KIAA1958: variants seen among roughly 807,000 people sequenced by gnomAD.
KIAA1958 encodes uncharacterized protein KIAA1958.
In KIAA1958, 14 loss-of-function variants were observed where a neutral mutation model predicts 47.2. The ratio of observed to expected loss-of-function variants is 0.30; its 90% CI spans 0.20 to 0.46. The LOEUF (loss-of-function observed/expected upper bound fraction) is 0.46. Ranked by LOEUF, KIAA1958 falls within the 20% of genes least tolerant of loss-of-function variation. KIAA1958 has a pLI of 1.00. For missense variants in KIAA1958, 803 were observed against 909.2 expected (o/e 0.88, Z 1.50); for synonymous variants, 354 against 353.3 (o/e 1.00, Z -0.02).
Position 112,669,104 on chromosome 9 carries a change from C to T in KIAA1958, c.*9035C>T, listed in dbSNP as rs1041246136. The T allele has an allele frequency of 6.6e-6, 1 of 152,208 alleles. No homozygotes were observed. The highest frequency in any genetic ancestry group is 1.5e-5 in the Non-Finnish European group (1 of 68,040). The allele number at this position is 152,208 out of a possible 1,614,324, so 9.4% of individuals were successfully genotyped here. A position where few individuals can be genotyped will look rare whatever the true frequency, so the allele number is the denominator to read the frequency against. ...GTTATTGTACCGTCTCCAGCTTTTT[C>T]CTTCTTCCCCCAGATGGTCGCACCT... On this transcript the variant is annotated 3_prime_UTR_variant, in exon 4 of 4. Coordinates refer to ENST00000337530, the MANE Select transcript of KIAA1958 (RefSeq NM_133465.4).
chr9:112,637,914 C>T (rs1450254911), intron 2 of KIAA1958, among the ~76,000 whole-genome samples: 1 of 151,870 alleles, frequency 6.6e-6, no homozygotes, highest in Admixed American at 6.6e-5. Flanking sequence ...TTTGGGAGGC[C>T]GAGGAGGGTG....
chr9:112,498,920 A>T (rs1416699992), intron 1 of KIAA1958, among the ~76,000 whole-genome samples: 1 of 152,152 alleles, frequency 6.6e-6, no homozygotes, highest in Non-Finnish European at 1.5e-5. Context: ...CCAGCCTCTA[A>T]CACACACAGT....
intron 1 of KIAA1958, among the ~76,000 whole-genome samples, chr9:112,533,343 G>C (rs1729200111): frequency 6.6e-6 from 1 of 151,668 alleles, no homozygotes; most frequent in Non-Finnish European, 1.5e-5. Flanking sequence ...TTGGAAGGCC[G>C]AGGCAGGTGG....
At chr9:112,531,168 C>T (rs1343067329) in intron 1 of KIAA1958, among the ~76,000 whole-genome samples, 1 of 152,224 alleles carries the variant, frequency 6.6e-6, no homozygotes, top group Admixed American at 6.5e-5. Context: ...GCAGGCGTAT[C>T]ACCTGAGGTT....
rs780837293 is a variant in KIAA1958, at chr9:112,659,686, C to A, written c.1768C>A (p.Gln590Lys). The A allele has an allele frequency of 7.6e-5, 123 of 1,614,054 alleles. No individual in the cohort carries two copies. Among genetic ancestry groups the A allele is most frequent in the Non-Finnish European group, 9.1e-5 (107 of 1,180,038 alleles). The stretch of plus-strand genomic sequence containing the variant: ...TGACATCGAGCTGCTCAAAGACCCC[C>A]AAAACCAGCCCTACTTTGCCCGGAC... ...YGDIELLKDP[Q>K]NQPYFARTDS... The change falls in exon 4 of 4, where the codon CAA becomes AAA. Residue 590 changes from glutamine to lysine, a missense_variant. Physicochemically the swap from Gln to Lys is moderately conservative, Grantham distance 53. Around this residue, in one of 2 missense-constraint regions of KIAA1958, gnomAD observed 761 missense variants for 829.3 expected, o/e 0.92. Transcript: ENST00000337530.
chr9:112,543,119 G>T (rs189676221), intron 1 of KIAA1958, among the ~76,000 whole-genome samples: 2 of 152,256 alleles, frequency 1.3e-5, no homozygotes, highest in East Asian at 3.9e-4. Flanking sequence ...TTCATGACCT[G>T]GATCTATCTT....
At position 112,618,432 on chromosome 9, in the gene KIAA1958, G is replaced by A. The variant is rs1332426821; in HGVS notation, c.1172-27218G>A. On this transcript the variant is annotated intron_variant, in intron 2 of 3. Coordinates refer to ENST00000337530, the MANE Select transcript of KIAA1958 (RefSeq NM_133465.4). This position sits in a 1 kb window ranked among gnomAD's most constrained non-coding sequence, Gnocchi z 7.1. ...ATCCGGCTCCGGGTAACAGAGACGG[G>A]TCTCGAGTACTTGGAGTGGATGGGT... is the stretch of plus-strand genomic sequence containing the variant. 6.4e-7 allele frequency: 1 copy of A among 1,551,094 alleles called. No individual in the cohort carries two copies. The highest frequency in any genetic ancestry group is 8.7e-7 in the Non-Finnish European group (1 of 1,147,152).
At chr9:112,606,704 A>G (rs530877340) in intron 2 of KIAA1958, among the ~76,000 whole-genome samples, 3 of 152,350 alleles carry the variant, frequency 2.0e-5, no homozygotes, top group African/African-American at 4.8e-5. Flanking sequence ...GAAAATTTCA[A>G]TGAAGTTTGT....
chr9:112,585,359 G>T (rs879878410), intron 2 of KIAA1958, among the ~76,000 whole-genome samples: 5 of 152,234 alleles, frequency 3.3e-5, no homozygotes, highest in Non-Finnish European at 5.9e-5. Flanking sequence ...ACACATGGAA[G>T]TATATTTCAG....
At chr9:112,565,817 C>T (rs1835418767) in intron 1 of KIAA1958, among the ~76,000 whole-genome samples, 2 of 152,168 alleles carry the variant, frequency 1.3e-5, no homozygotes, top group Non-Finnish European at 2.9e-5. Context: ...TTTTATGGTA[C>T]TCAAAGTTTA....
At chr9:112,543,489 G>C (rs1834977140) in intron 1 of KIAA1958, among the ~76,000 whole-genome samples, 1 of 151,304 alleles carries the variant, frequency 6.6e-6, no homozygotes, top group South Asian at 2.1e-4. Context: ...TTAGTTTTCT[G>C]AGGTTTGTAC....
At chr9:112,645,151 A>G (rs1836955245) in intron 2 of KIAA1958, among the ~76,000 whole-genome samples, 1 of 146,788 alleles carries the variant, frequency 6.8e-6, no homozygotes, top group Non-Finnish European at 1.5e-5. Context: ...AAAAAAAAAA[A>G]TGCTAACACC....
chr9:112,546,265 T>C (rs1835030396), intron 1 of KIAA1958, among the ~76,000 whole-genome samples: 2 of 152,216 alleles, frequency 1.3e-5, no homozygotes, highest in Admixed American at 6.5e-5. Context: ...ACTAGCACTC[T>C]GACAGTTTAC....
At chr9:112,504,794 A>T (rs1434083724) in intron 1 of KIAA1958, among the ~76,000 whole-genome samples, 1 of 152,228 alleles carries the variant, frequency 6.6e-6, no homozygotes, top group Non-Finnish European at 1.5e-5. Context: ...ATGTGTGTCT[A>T]TATGTATATA....
chr9:112,548,568 G>A (rs192330290), intron 1 of KIAA1958, among the ~76,000 whole-genome samples: 1 of 152,142 alleles, frequency 6.6e-6, no homozygotes, highest in Non-Finnish European at 1.5e-5. Context: ...TCCAAATCAG[G>A]CTATATTGTT....
At chr9:112,577,372 T>C (rs10739366) in intron 2 of KIAA1958, among the ~76,000 whole-genome samples, 75,111 of 151,898 alleles carry the variant, frequency 0.49, 18,871 homozygotes, top group South Asian at 0.56. Context: ...CCTTGACTAA[T>C]CTCATCATGA....
chr9:112,521,758 C>T (rs190379041), intron 1 of KIAA1958, among the ~76,000 whole-genome samples: 24 of 151,908 alleles, frequency 1.6e-4, no homozygotes, highest in African/African-American at 5.8e-4. Context: ...AATTGTTATT[C>T]TGATTTTTAT....
intron 1 of KIAA1958, among the ~76,000 whole-genome samples, chr9:112,506,507 A>G (rs571367721): frequency 4.6e-5 from 7 of 152,282 alleles, no homozygotes; most frequent in African/African-American, 1.4e-4. Flanking sequence ...CTTCATGGTA[A>G]TTAAGGATAA....
At chr9:112,499,963 C>T (rs896761798) in intron 1 of KIAA1958, among the ~76,000 whole-genome samples, 2 of 152,144 alleles carry the variant, frequency 1.3e-5, no homozygotes, top group Non-Finnish European at 2.9e-5. Flanking sequence ...GTTGGGATTA[C>T]AGGCGTGAGC....
Sources: allele counts gnomAD v4.1 joint callset (sites outside exome capture counted in the v4.1 genomes callset), GRCh38; gene constraint gnomAD v4.1.1; regional missense constraint gnomAD v4.1.1; non-coding constraint Gnocchi (gnomAD v3.1); transcripts MANE v1.5; gene names NCBI Gene and HGNC (gene_info 2026-07-23, HGNC 2026-07-21).